The following CAP1 variants were observed in gnomAD, a reference collection of about 807,000 sequenced individuals.
CAP1 encodes cyclase associated actin cytoskeleton regulatory protein 1.
In CAP1, 11 loss-of-function variants were observed where a neutral mutation model predicts 58.2. That is an observed-to-expected ratio of 0.19 (90% CI 0.12 to 0.31). The LOEUF is 0.31. Ranked by LOEUF, CAP1 falls within the 10% of genes least tolerant of loss-of-function variation. The probability of loss-of-function intolerance (pLI) is 1.00; values close to 1 mark genes in which losing one functional copy is unlikely to be tolerated. For missense variants in CAP1, 423 were observed against 587.5 expected (o/e 0.72, Z 2.89); for synonymous variants, 183 against 213.8 (o/e 0.86, Z 1.26).
upstream of CAP1, chr1:40,040,517 C>T (rs956389264): frequency 6.6e-6 from 1 of 152,380 alleles, no homozygotes; most frequent in African/African-American, 2.4e-5. Flanking sequence ...CCCGCCCTCC[C>T]CGTGTCGCTC....
At position 40,071,501 on chromosome 1, in the gene CAP1, T is replaced by C; in HGVS notation, c.1396T>C (p.Leu466=). The change falls in exon 13 of 13, where the codon TTG becomes CTG. Residue 466 remains leucine, a synonymous_variant. Transcript: ENST00000372805. The part of the protein sequence containing the change: ...QFKTLWNGQK[L]VTTVTEIAG ...CAAGACCCTATGGAACGGGCAGAAG[T>C]TGGTCACCACAGTGACAGAAATTGC... is the stretch of plus-strand genomic sequence containing the variant. 4 of 1,613,742 alleles carry C rather than the reference T, an allele frequency of 2.5e-6. No homozygotes were observed. Among genetic ancestry groups the C allele is most frequent in the Non-Finnish European group, 3.4e-6 (4 of 1,179,660 alleles).
intron 9 of CAP1, 121 bp downstream of exon 9, chr1:40,069,995 C>G (rs142186369): frequency 5.8e-6 from 8 of 1,385,856 alleles, no homozygotes; most frequent in Non-Finnish European, 7.8e-6. Flanking sequence ...CCGCAACCTC[C>G]GCCTCCCGGG....
At chr1:40,042,176 C>T (rs567638020) in intron 1 of CAP1, among the ~76,000 whole-genome samples, 44 of 152,272 alleles carry the variant, frequency 2.9e-4, no homozygotes, top group African/African-American at 9.6e-4. Context: ...CGTGCCCGGC[C>T]CCACCAGACG....
In CAP1 at chr1:40,069,699, A is replaced by G. The variant is rs1478929988; in HGVS notation, c.818A>G (p.His273Arg). Residue 273 changes from histidine to arginine, a missense_variant, in exon 9 of 13, where the codon CAT becomes CGT. Physicochemically the swap from His to Arg is conservative, Grantham distance 29. Transcript: ENST00000372805. ...GCTGTTGTTCTTACAGCCCTGAAAC[A>G]TGTATCTGATGACATGAAGACTCAC... is the stretch of plus-strand genomic sequence containing the variant. ...QGESITHALK[H>R]VSDDMKTHKN... is the part of the protein sequence containing the mutation. 1 of 1,613,460 alleles carries G rather than the reference A, an allele frequency of 6.2e-7. No individual in the cohort carries two copies. The highest frequency in any genetic ancestry group is 2.2e-5 in the East Asian group (1 of 44,818).
chr1:40,072,200 T>C lies in CAP1; in HGVS notation c.*667T>C. ...GCAGTTAATGGAGTCTTGGACCCTT[T>C]CTTTCTCTGGGATCCCTGCCCAGCA... On this transcript the variant is annotated 3_prime_UTR_variant, in exon 13 of 13. Transcript: ENST00000372805. The C allele has an allele frequency of 2.5e-6, 1 of 397,182 alleles. No individual in the cohort carries two copies. Among genetic ancestry groups the C allele is most frequent in the Non-Finnish European group, 4.4e-6 (1 of 225,638 alleles). The allele number at this position is 397,182 out of a possible 1,614,324, so 24.6% of individuals were successfully genotyped here.
Position 40,070,831 on chromosome 1 carries a change from T to C in CAP1, c.1201-5T>C. On this transcript the variant is annotated splice_region_variant and splice_polypyrimidine_tract_variant and intron_variant, in intron 11 of 12. Coordinates refer to ENST00000372805, the MANE Select transcript of CAP1 (RefSeq NM_006367.4). ...GGGACTCAGTTCTCTTTGTTTACTC[T>C]GCAGGTAATGGGTAAAGTGCCAACC... 6.2e-7 allele frequency: 1 copy of C among 1,607,168 alleles called. No homozygotes were observed. The highest frequency in any genetic ancestry group is 8.5e-7 in the Non-Finnish European group (1 of 1,177,588).
At chr1:40,066,575 GAC>G (rs898530915) in intron 7 of CAP1, among the ~76,000 whole-genome samples, 1 of 152,166 alleles carries the variant, frequency 6.6e-6, no homozygotes. Flanking sequence ...TGGAGCAGGA[GAC>G]ACACACAAAT....
chr1:40,066,126 A>G, intron 6 of CAP1, 89 bp from the exon 7 acceptor site: 1 of 742,394 alleles, frequency 1.3e-6, no homozygotes, highest in Non-Finnish European at 2.4e-6. Context: ...CGGGTAGGAG[A>G]ATGTGAGCCC....
At position 40,072,362 on chromosome 1, in the gene CAP1, A is replaced by C. The variant is rs1648224384; in HGVS notation, c.*829A>C. On this transcript the variant is annotated 3_prime_UTR_variant, in exon 13 of 13. Transcript: ENST00000372805. ...TCTTCACTGCCTCCTTTTCCCTGTC[A>C]TGCTCATCAGCTTATGGCTTCTGTC... The C allele has an allele frequency of 9.6e-6, 3 of 312,628 alleles. No individual in the cohort carries two copies. The highest frequency in any genetic ancestry group is 4.3e-5 in the African/African-American group (2 of 46,510). The allele number at this position is 312,628 out of a possible 1,614,324, so 19.4% of individuals were successfully genotyped here.
At chr1:40,040,532 C>T (rs569289829), upstream of CAP1, 2 of 152,610 alleles carry the variant, frequency 1.3e-5, no homozygotes, top group East Asian at 3.9e-4. Context: ...TCGCTCCCGC[C>T]TTGAGGGCGG....
At chr1:40,046,064 T>A (rs1025873463) in intron 1 of CAP1, among the ~76,000 whole-genome samples, 1 of 152,222 alleles carries the variant, frequency 6.6e-6, no homozygotes, top group Non-Finnish European at 1.5e-5. Context: ...GTCAGCAGAT[T>A]TCCCTCTCTA....
intron 3 of CAP1, among the ~76,000 whole-genome samples, chr1:40,061,074 C>T (rs995725990): frequency 1.1e-4 from 16 of 151,602 alleles, no homozygotes; most frequent in East Asian, 1.9e-4. Flanking sequence ...CTTTTGACTG[C>T]GAATGACCCT....
At chr1:40,044,221 C>A (rs905237249) in intron 1 of CAP1, among the ~76,000 whole-genome samples, 2 of 151,932 alleles carry the variant, frequency 1.3e-5, no homozygotes, top group Non-Finnish European at 1.5e-5. Flanking sequence ...CATAGTGAGA[C>A]CCCTGTCTCT....
chr1:40,045,254 C>T (rs911445207), intron 1 of CAP1, among the ~76,000 whole-genome samples: 5 of 152,206 alleles, frequency 3.3e-5, no homozygotes, highest in African/African-American at 4.8e-5. Context: ...AGAATTGCTG[C>T]GTTAGAAAGT....
chr1:40,044,753 A>G (rs959452030), intron 1 of CAP1, among the ~76,000 whole-genome samples: 1 of 148,972 alleles, frequency 6.7e-6, no homozygotes, highest in Admixed American at 6.7e-5. Flanking sequence ...GGGTTTCTCA[A>G]CGTTGGCACA....
chr1:40,061,634 G>T, intron 3 of CAP1, 101 bp from the exon 4 acceptor site: 2 of 913,538 alleles, frequency 2.2e-6, no homozygotes, highest in Non-Finnish European at 3.7e-6. Flanking sequence ...GAAGTGCCTG[G>T]GTTGCTATCA....
In CAP1 at chr1:40,059,339, G is replaced by C. The variant is rs761430668; in HGVS notation, c.-8G>C. 5.2e-6 allele frequency: 8 copies of C among 1,528,986 alleles called. 1 individual carries two copies. In the South Asian group the frequency reaches 8.9e-5, roughly 17 times the overall value. The allele number at this position is 1,528,986 out of a possible 1,614,324, so 94.7% of individuals were successfully genotyped here. On this transcript the variant is annotated splice_region_variant and 5_prime_UTR_variant, in exon 2 of 13. Transcript: ENST00000372805. ...TGACATTTGATCTGTTTCAGCAGGT[G>C]GTCCATTATGGCTGACATGCAAAAT...
Position 40,060,313 on chromosome 1 carries a change from G to A in CAP1, c.216+143G>A. On this transcript the variant is annotated intron_variant, in intron 3 of 12. Transcript: ENST00000372805. Reference sequence around the variant, plus strand: ...TACACATGTTCTTTCTCTTTTGCCTGTACTGAGGAGTTCAGTCTAGCCACA... The same window carrying A: ...TACACATGTTCTTTCTCTTTTGCCTATACTGAGGAGTTCAGTCTAGCCACA... The A allele has an allele frequency of 7.1e-6, 4 of 564,528 alleles. No homozygotes were observed. The South Asian group carries it at 9.8e-5, about 14-fold the overall frequency. The allele number at this position is 564,528 out of a possible 1,614,324, so 35.0% of individuals were successfully genotyped here.
chr1:40,063,499 G>T (rs368372309), intron 4 of CAP1, among the ~76,000 whole-genome samples: 156 of 151,810 alleles, frequency 1.0e-3, no homozygotes, highest in African/African-American at 3.6e-3. Context: ...ATTATTTGTA[G>T]AGACAAAGTT....
Sources: gnomAD v4.1 joint callset for allele counts (sites outside exome capture counted in the v4.1 genomes callset) on GRCh38, gnomAD v4.1.1 for gene constraint, MANE v1.5 for transcripts, NCBI Gene and HGNC (gene_info 2026-07-23, HGNC 2026-07-21) for gene names.